The following VIPR1 variants were observed in gnomAD, a reference collection of about 807,000 sequenced individuals.
VIPR1 encodes the protein vasoactive intestinal peptide receptor 1.
In VIPR1, 59 loss-of-function variants were observed where a neutral mutation model predicts 58.8. The observed-to-expected ratio is 1.00, with a 90% confidence interval of 0.81 to 1.25. The LOEUF (loss-of-function observed/expected upper bound fraction) is 1.25. Ranked by LOEUF, VIPR1 falls within the 50% of genes most tolerant of loss-of-function variation. The pLI, the probability that VIPR1 is intolerant of heterozygous loss-of-function variation, is 0.00. For synonymous variants in VIPR1, 251 were observed against 242.1 expected (o/e 1.04, Z -0.34); for missense variants, 626 against 602.7 (o/e 1.04, Z -0.40).
intron 3 of VIPR1, among the ~76,000 whole-genome samples, chr3:42,523,932 C>T (rs1218327681): frequency 6.6e-6 from 1 of 152,156 alleles, no homozygotes; most frequent in Non-Finnish European, 1.5e-5. Context: ...ATTCTCCTGC[C>T]TCAGCCTCCT....
At chr3:42,531,778 T>G in intron 8 of VIPR1, 25 bp from the exon 9 acceptor site, 1 of 1,614,000 alleles carries the variant, frequency 6.2e-7, no homozygotes, top group African/African-American at 1.3e-5. Context: ...ACAATCCCTC[T>G]CATTCCTCCC....
At chr3:42,521,625 G>A (rs1029107079) in intron 3 of VIPR1, 6 of 152,180 alleles carry the variant, frequency 3.9e-5, no homozygotes, top group African/African-American at 1.4e-4. Context: ...GATAAAAATT[G>A]TGGAGAGTTA....
At chr3:42,514,011 G>A (rs922570501) in intron 2 of VIPR1, among the ~76,000 whole-genome samples, 157 bp downstream of exon 2, 1 of 152,214 alleles carries the variant, frequency 6.6e-6, no homozygotes, top group African/African-American at 2.4e-5. Context: ...GGGCTAACAG[G>A]CTTCCACATT....
intron 1 of VIPR1, among the ~76,000 whole-genome samples, chr3:42,504,961 T>TC (rs1700047199): frequency 7.1e-6 from 1 of 141,352 alleles, no homozygotes. Context: ...GAGGAGGAAG[T>TC]CTGCCCCAAG....
At chr3:42,491,215 T>A (rs941775271) in intron 1 of VIPR1, among the ~76,000 whole-genome samples, 2 of 152,196 alleles carry the variant, frequency 1.3e-5, no homozygotes, top group Admixed American at 1.3e-4. Flanking sequence ...ATCTCTGTAT[T>A]TAAGCAAACA....
intron 5 of VIPR1, 146 bp downstream of exon 5, chr3:42,527,642 T>C: frequency 5.2e-6 from 4 of 770,204 alleles, no homozygotes; most frequent in Non-Finnish European, 8.4e-6. Context: ...CCAGGCCAGC[T>C]TCCCCTGGAG....
At chr3:42,498,409 C>T (rs1577192412), upstream of VIPR1, among the ~76,000 whole-genome samples, 1 of 152,170 alleles carries the variant, frequency 6.6e-6, no homozygotes, top group Admixed American at 6.5e-5. Context: ...TTTCTCTCTG[C>T]CCAATCCTAC....
At chr3:42,515,062 C>T (rs1700556986) in intron 2 of VIPR1, among the ~76,000 whole-genome samples, 1 of 152,106 alleles carries the variant, frequency 6.6e-6, no homozygotes, top group Admixed American at 6.5e-5. Flanking sequence ...TGGCTGGGCC[C>T]GTTCTGGGCC....
chr3:42,507,186 A>G (rs1337463413), intron 1 of VIPR1: 1 of 152,234 alleles, frequency 6.6e-6, no homozygotes, highest in Non-Finnish European at 1.5e-5. Flanking sequence ...ATATTCAAAT[A>G]TCCCCAGCCG....
chr3:42,517,122 A>G (rs907364607), intron 2 of VIPR1, among the ~76,000 whole-genome samples: 29 of 152,222 alleles, frequency 1.9e-4, no homozygotes, highest in African/African-American at 7.0e-4. Context: ...GCCAAGCCCT[A>G]GGGATCCAGG....
At chr3:42,497,498 C>T (rs1043112417) in intron 1 of VIPR1, among the ~76,000 whole-genome samples, 1 of 152,130 alleles carries the variant, frequency 6.6e-6, no homozygotes, top group Non-Finnish European at 1.5e-5. Context: ...AAGCATTTGA[C>T]CAGAAGCTGT....
upstream of VIPR1, chr3:42,502,496 G>A (rs1699906773): frequency 2.8e-6 from 1 of 351,924 alleles, no homozygotes; most frequent in Non-Finnish European, 5.1e-6. Context: ...TCACTGGCAG[G>A]GGCTCCCCAG....
intron 3 of VIPR1, chr3:42,519,548 A>C: frequency 2.2e-6 from 1 of 451,734 alleles, no homozygotes; most frequent in South Asian, 4.0e-5. Context: ...GGCTCACTAA[A>C]TATTTGCTCA....
At chr3:42,498,216 C>G (rs1015572445), upstream of VIPR1, among the ~76,000 whole-genome samples, 39 of 152,378 alleles carry the variant, frequency 2.6e-4, no homozygotes, top group Admixed American at 7.2e-4. Flanking sequence ...GTTGGAGCCT[C>G]TAGCCACATT....
At chr3:42,514,041 G>A (rs1360777449) in intron 2 of VIPR1, among the ~76,000 whole-genome samples, 187 bp downstream of exon 2, 2 of 152,200 alleles carry the variant, frequency 1.3e-5, no homozygotes, top group African/African-American at 4.8e-5. Flanking sequence ...GGTCTGGGGA[G>A]CTCCCAGCCG....
intron 9 of VIPR1, 113 bp downstream of exon 9, chr3:42,531,982 C>CT: frequency 1.6e-6 from 2 of 1,265,212 alleles, no homozygotes; most frequent in Non-Finnish European, 2.3e-6. Flanking sequence ...ACGTAGCTTC[C>CT]TAATGCCCAA....
Position 42,532,315 on chromosome 3 carries a change from G to C in VIPR1, c.992G>C (p.Ser331Thr). 6.2e-7 allele frequency: 1 copy of C among 1,614,180 alleles called. No individual in the cohort carries two copies. Among genetic ancestry groups the C allele is most frequent in the Non-Finnish European group, 8.5e-7 (1 of 1,180,032 alleles). ...CTGCGGCCCCCAGATATCAGGAAGAGTGACAGCAGTCCATACTCGTGAGTG... is the reference window on the plus strand; with the variant it reads ...CTGCGGCCCCCAGATATCAGGAAGACTGACAGCAGTCCATACTCGTGAGTG... ...QKLRPPDIRK[S>T]DSSPYSRLAR... Residue 331 changes from serine (S) to threonine (T), a missense_variant, in exon 10 of 13, where the codon AGT becomes ACT. Physicochemically the swap from Ser to Thr is moderately conservative, Grantham distance 58. Coordinates refer to ENST00000325123, the MANE Select transcript of VIPR1 (RefSeq NM_004624.4).
intron 4 of VIPR1, among the ~76,000 whole-genome samples, chr3:42,526,277 C>T (rs1353310422): frequency 6.6e-6 from 1 of 152,236 alleles, no homozygotes; most frequent in African/African-American, 2.4e-5. Context: ...GGGAACCTCA[C>T]TTCAGCCCGG....
At chr3:42,494,935 A>G (rs1699729980) in intron 1 of VIPR1, among the ~76,000 whole-genome samples, 1 of 152,062 alleles carries the variant, frequency 6.6e-6, no homozygotes, top group Non-Finnish European at 1.5e-5. Context: ...TATAATTCCA[A>G]TTTTTACTTC....
Sources: allele counts gnomAD v4.1 joint callset (sites outside exome capture counted in the v4.1 genomes callset), GRCh38; gene constraint gnomAD v4.1.1; transcripts MANE v1.5; gene names NCBI Gene and HGNC (gene_info 2026-07-23, HGNC 2026-07-21).